MYH15: variants seen among roughly 807,000 people sequenced by gnomAD.
MYH15 encodes myosin-15.
MYH15 carries 227 observed loss-of-function variants against 240.5 expected under a neutral mutation model. That is an observed-to-expected ratio of 0.94 (90% confidence interval 0.85 to 1.05). The LOEUF is 1.05. MYH15 is among the 50% of genes least tolerant of loss of function. The pLI, the probability that MYH15 is intolerant of heterozygous loss-of-function variation, is 0.00. For synonymous variants in MYH15, 785 were observed against 796.7 expected, an observed-to-expected ratio of 0.99 and a Z score of 0.25; for missense variants, 2,217 against 2,247.5, an observed-to-expected ratio of 0.99 and a Z score of 0.27.
chr3:108,534,716 A>T, the MYH15 span, among the ~76,000 whole-genome samples: 36 of 104,064 alleles, frequency 3.5e-4, no homozygotes, highest in East Asian at 1.9e-3. Flanking sequence ...AAAAAAAAAA[A>T]TTTTTTTTTT....
chr3:108,506,542 T>C (rs1430604055), intron 1 of MYH15, among the ~76,000 whole-genome samples: 2 of 152,142 alleles, frequency 1.3e-5, no homozygotes, highest in African/African-American at 4.8e-5. Context: ...AGGCAGCTTC[T>C]CTTTCTCTCC....
intron 1 of MYH15, among the ~76,000 whole-genome samples, chr3:108,507,506 G>A (rs1447388005): frequency 3.9e-5 from 6 of 152,022 alleles, no homozygotes; most frequent in African/African-American, 7.3e-5. Context: ...GCTCACTGCC[G>A]CAGGACAGGT....
chr3:108,494,131 G>T (rs2083374021), intron 7 of MYH15, among the ~76,000 whole-genome samples: 1 of 152,202 alleles, frequency 6.6e-6, no homozygotes, highest in South Asian at 2.1e-4. Flanking sequence ...TGCCAGGAAG[G>T]CATCAGGGCA....
chr3:108,492,641 C>A (rs770224019), intron 8 of MYH15, 46 bp from the exon 9 acceptor site: 2 of 1,443,466 alleles, frequency 1.4e-6, no homozygotes, highest in South Asian at 1.2e-5. Context: ...GGCATTCTTG[C>A]AAAATGTAGA....
chr3:108,414,405 G>A lies in MYH15; in HGVS notation c.3972C>T (p.Ala1324=), dbSNP rs2082618291. 1 of 1,613,980 alleles carries A rather than the reference G, an allele frequency of 6.2e-7. No individual in the cohort carries two copies. Among genetic ancestry groups the A allele is most frequent in the Non-Finnish European group, 8.5e-7 (1 of 1,179,986 alleles). ...CACAGTCACGCTGAGCCTTCTGCAG[G>A]GCATGGGCCAGGGCACTCTGGGACT... ...ETKSQSALAH[A]LQKAQRDCDL... is the part of the protein sequence containing the mutation. The change falls in exon 30 of 41, where the codon GCC becomes GCT. Residue 1324 remains alanine (A), a synonymous_variant. Transcript: ENST00000693548.
intron 27 of MYH15, among the ~76,000 whole-genome samples, chr3:108,426,429 G>T (rs1259852369): frequency 6.6e-6 from 1 of 152,106 alleles, no homozygotes; most frequent in African/African-American, 2.4e-5. Flanking sequence ...AGAGCTTGCT[G>T]CCCAGGGCTG....
chr3:108,541,386 GA>G, the MYH15 span, among the ~76,000 whole-genome samples: 1 of 150,452 alleles, frequency 6.6e-6, no homozygotes, highest in South Asian at 2.1e-4. Flanking sequence ...ACAGCTAATT[GA>G]AAAAAAATTT....
At chr3:108,437,474 T>C (rs964162355) in intron 25 of MYH15, 80 bp downstream of exon 25, 23 of 1,521,852 alleles carry the variant, frequency 1.5e-5, no homozygotes, top group Non-Finnish European at 1.9e-5. Flanking sequence ...CCTGGAGTCC[T>C]AAGGATAAAT....
At chr3:108,502,122 G>C in intron 2 of MYH15, among the ~76,000 whole-genome samples, 1 of 152,164 alleles carries the variant, frequency 6.6e-6, no homozygotes, top group South Asian at 2.1e-4. Flanking sequence ...TATGGCTTCT[G>C]GCTAGCCCTG....
chr3:108,469,448 C>A (rs1368251803), intron 14 of MYH15, among the ~76,000 whole-genome samples: 1 of 152,202 alleles, frequency 6.6e-6, no homozygotes, highest in African/African-American at 2.4e-5. Context: ...CCAGAACATG[C>A]AGAAAGATTT....
chr3:108,527,532 T>C (rs1310470667), intron 1 of MYH15, among the ~76,000 whole-genome samples: 2 of 152,176 alleles, frequency 1.3e-5, no homozygotes, highest in African/African-American at 4.8e-5. Context: ...TTAATTATTT[T>C]TTTAAAAAAA....
chr3:108,450,388 T>C (rs929789478), intron 21 of MYH15, among the ~76,000 whole-genome samples: 3 of 152,196 alleles, frequency 2.0e-5, no homozygotes, highest in Admixed American at 1.3e-4. Context: ...ACATTGTCAT[T>C]TGTGACAACA....
At position 108,398,203 on chromosome 3, in the gene MYH15, C is replaced by T. The variant is rs535011099; in HGVS notation, c.5133+434G>A. 5.3e-5 allele frequency among the ~76,000 whole-genome samples: 8 copies of T among 152,154 alleles called. No homozygotes were observed. The East Asian group carries it at 7.7e-4, about 15-fold the overall frequency. On this transcript the variant is annotated intron_variant, in intron 35 of 40. Transcript: ENST00000693548. ...TTTGGACAGCAACAGACCCTCGCAG[C>T]GGGAAGATGCTGTGAAGACACAGGA...
chr3:108,495,786 AGAG>A lies in MYH15; in HGVS notation c.702_704del (p.Ser235del), dbSNP rs771676349. 2 of 1,609,734 alleles carry A rather than the reference AGAG, an allele frequency of 1.2e-6. No individual in the cohort carries two copies. The highest frequency in any genetic ancestry group is 3.4e-5 in the Admixed American group (2 of 59,690). On this transcript the variant is annotated inframe_deletion, in exon 7 of 41. Coordinates refer to ENST00000693548, the MANE Select transcript of MYH15 (RefSeq NM_014981.3). ...GCTAAATCATGTTACTTACAAAACGAGAGGAGTTGTCATTTCTCAGGGTTTTAG... is the reference window on the plus strand; with the variant it reads ...GCTAAATCATGTTACTTACAAAACGAGAGTTGTCATTTCTCAGGGTTTTAG...
intron 27 of MYH15, among the ~76,000 whole-genome samples, chr3:108,427,963 G>A (rs1177116338): frequency 6.6e-6 from 1 of 152,184 alleles, no homozygotes; most frequent in Non-Finnish European, 1.5e-5. Flanking sequence ...TGACATGACA[G>A]CTTGCAGCAT....
At chr3:108,446,279 A>G (rs2082927335) in intron 21 of MYH15, among the ~76,000 whole-genome samples, 2 of 152,144 alleles carry the variant, frequency 1.3e-5, no homozygotes, top group South Asian at 4.1e-4. Context: ...ATGTGGATCT[A>G]AGATCTAGTG....
chr3:108,406,564 T>G (rs998962954), intron 32 of MYH15, among the ~76,000 whole-genome samples: 1 of 152,144 alleles, frequency 6.6e-6, no homozygotes, highest in Non-Finnish European at 1.5e-5. Context: ...CCCTCTAAAA[T>G]GCACTGAGAA....
At chr3:108,463,337 C>G in intron 15 of MYH15, 94 bp from the exon 16 acceptor site, 3 of 1,322,418 alleles carry the variant, frequency 2.3e-6, no homozygotes, top group Non-Finnish European at 3.1e-6. Flanking sequence ...TTTTTTGAGA[C>G]AGGGTCTCAT....
chr3:108,515,060 C>T (rs1459811330), upstream of MYH15, among the ~76,000 whole-genome samples: 1 of 152,172 alleles, frequency 6.6e-6, no homozygotes, highest in Non-Finnish European at 1.5e-5. Flanking sequence ...AGCCCACACT[C>T]CTATTAGAAG....
Sources: gnomAD v4.1 joint callset for allele counts (sites outside exome capture counted in the v4.1 genomes callset) on GRCh38, gnomAD v4.1.1 for gene constraint, MANE v1.5 for transcripts, NCBI Gene and HGNC (gene_info 2026-07-23, HGNC 2026-07-21) for gene names.